The following SPATA17 variants were observed in gnomAD, a reference collection of about 807,000 sequenced individuals.
SPATA17 encodes the protein spermatogenesis associated 17.
In SPATA17, 53 loss-of-function variants were observed where a neutral mutation model predicts 62.2. That is an observed-to-expected ratio of 0.85 (90% confidence interval 0.68 to 1.07). The LOEUF (loss-of-function observed/expected upper bound fraction) is 1.07. Among genes scored for constraint, SPATA17 ranks in the 50% least tolerant of loss-of-function variants. The probability of loss-of-function intolerance (pLI) is 0.00; values close to 1 mark genes in which losing one functional copy is unlikely to be tolerated. For missense variants in SPATA17, 466 were observed against 425.5 expected (o/e 1.10, Z -0.84); for synonymous variants, 146 against 146.8 (o/e 0.99, Z 0.04).
chr1:217,756,535 T>C (rs1411311793), intron 6 of SPATA17, among the ~76,000 whole-genome samples: 1 of 152,166 alleles, frequency 6.6e-6, no homozygotes, highest in African/African-American at 2.4e-5. Flanking sequence ...TTTAAGAATA[T>C]TTTCCTGGAT....
chr1:217,659,465 A>G (rs964573482), intron 3 of SPATA17, among the ~76,000 whole-genome samples: 8 of 152,096 alleles, frequency 5.3e-5, no homozygotes, highest in African/African-American at 1.9e-4. Context: ...ATATATTTTT[A>G]AAGGAATTTT....
At chr1:217,697,934 T>C (rs1671497351) in intron 5 of SPATA17, among the ~76,000 whole-genome samples, 2 of 152,208 alleles carry the variant, frequency 1.3e-5, no homozygotes, top group African/African-American at 4.8e-5. Flanking sequence ...ATTAATACCT[T>C]GCTAAGTTTT....
chr1:217,721,056 G>A (rs1364486851), intron 5 of SPATA17, among the ~76,000 whole-genome samples: 1 of 152,164 alleles, frequency 6.6e-6, no homozygotes, highest in African/African-American at 2.4e-5. Flanking sequence ...CATATTTATA[G>A]ATAAGGCATC....
chr1:217,744,645 T>C (rs1487462972), intron 6 of SPATA17, among the ~76,000 whole-genome samples: 2 of 152,190 alleles, frequency 1.3e-5, no homozygotes, highest in African/African-American at 2.4e-5. Flanking sequence ...TATCAATGTA[T>C]GTAAACTTTA....
chr1:217,768,869 C>A (rs780594063), intron 6 of SPATA17, among the ~76,000 whole-genome samples: 22 of 152,056 alleles, frequency 1.4e-4, no homozygotes, highest in Non-Finnish European at 3.2e-4. Flanking sequence ...TTGATGTGTA[C>A]CTCTTCAAAA....
intron 9 of SPATA17, among the ~76,000 whole-genome samples, chr1:217,861,590 G>C (rs1054280643): frequency 1.3e-5 from 2 of 151,936 alleles, no homozygotes; most frequent in African/African-American, 4.8e-5. Flanking sequence ...GTTGATTTCT[G>C]ATTACCTCCA....
At chr1:217,754,540 G>A (rs1474695031) in intron 6 of SPATA17, among the ~76,000 whole-genome samples, 1 of 151,982 alleles carries the variant, frequency 6.6e-6, no homozygotes, top group East Asian at 1.9e-4. Context: ...TTTGGATTGA[G>A]CCCAGTCATG....
chr1:217,632,565 A>G (rs1260555438), intron 1 of SPATA17, among the ~76,000 whole-genome samples: 2 of 152,168 alleles, frequency 1.3e-5, no homozygotes, highest in African/African-American at 4.8e-5. Context: ...TCACAATTCA[A>G]TTTTACATTC....
chr1:217,774,258 A>T (rs1264407270), intron 6 of SPATA17, 76 bp from the exon 7 acceptor site: 11 of 1,283,144 alleles, frequency 8.6e-6, no homozygotes, highest in Non-Finnish European at 1.2e-5. Flanking sequence ...ATAAGAAAAA[A>T]TTTCATGGTA....
chr1:217,724,162 A>G (rs952747299), intron 5 of SPATA17, among the ~76,000 whole-genome samples: 8 of 152,256 alleles, frequency 5.3e-5, no homozygotes, highest in African/African-American at 1.9e-4. Context: ...CATAACTTGT[A>G]TCTAAATAAG....
At chr1:217,767,603 G>A (rs1246715657) in intron 6 of SPATA17, among the ~76,000 whole-genome samples, 6 of 151,970 alleles carry the variant, frequency 3.9e-5, no homozygotes, top group Admixed American at 2.0e-4. Context: ...TTCTATTGAC[G>A]TATCCTCAAG....
intron 3 of SPATA17, among the ~76,000 whole-genome samples, chr1:217,662,500 A>G (rs1339631736): frequency 6.6e-6 from 1 of 152,194 alleles, no homozygotes; most frequent in Non-Finnish European, 1.5e-5. Context: ...AAATAACATT[A>G]TATACTGATG....
intron 5 of SPATA17, among the ~76,000 whole-genome samples, chr1:217,712,823 T>G (rs1050023132): frequency 6.6e-6 from 1 of 152,100 alleles, no homozygotes; most frequent in East Asian, 1.9e-4. Flanking sequence ...CAGGGGATGT[T>G]TTGGCATCCA....
At chr1:217,648,835 A>T in intron 1 of SPATA17, 47 bp from the exon 2 acceptor site, 1 of 1,219,878 alleles carries the variant, frequency 8.2e-7, no homozygotes, top group Non-Finnish European at 1.2e-6. Flanking sequence ...CTTGCTTTAG[A>T]ATTATATTAG....
intron 6 of SPATA17, 81 bp from the exon 7 acceptor site, chr1:217,774,252 GA>G: frequency 8.2e-7 from 1 of 1,217,528 alleles, no homozygotes; most frequent in Non-Finnish European, 1.2e-6. Flanking sequence ...TTAAACATAA[GA>G]AAAAATTTCA....
At chr1:217,663,318 G>A (rs61827783) in intron 3 of SPATA17, among the ~76,000 whole-genome samples, 21,593 of 151,606 alleles carry the variant, frequency 0.14, 1,612 homozygotes, top group Non-Finnish European at 0.17. Context: ...AGTGGCTCGC[G>A]CTTGTAATCC....
At chr1:217,801,981 A>T in intron 9 of SPATA17, 131 bp downstream of exon 9, 2 of 972,102 alleles carry the variant, frequency 2.1e-6, no homozygotes, top group Non-Finnish European at 2.9e-6. Flanking sequence ...TAGCTGTTTT[A>T]GGTAAAGATG....
At chr1:217,703,031 A>G (rs1233116456) in intron 5 of SPATA17, among the ~76,000 whole-genome samples, 1 of 151,210 alleles carries the variant, frequency 6.6e-6, no homozygotes, top group Non-Finnish European at 1.5e-5. Flanking sequence ...CGCCCACACC[A>G]TATCTGGCTA....
In SPATA17 at chr1:217,631,590, A is replaced by G. The variant is rs113425013; in HGVS notation, c.68+144A>G. 589 of 789,866 alleles carry G rather than the reference A, an allele frequency of 7.5e-4. 1 individual carries two copies. Among genetic ancestry groups the G allele is most frequent in the African/African-American group, 5.9e-3 (343 of 58,228 alleles). The allele number at this position is 789,866 out of a possible 1,614,324, so 48.9% of individuals were successfully genotyped here. A position where few individuals can be genotyped will look rare whatever the true frequency, so the allele number is the denominator to read the frequency against. ...ATTCTTCCCTTAATGGGCTGCAAAC[A>G]TAATTGGGAGTTTCTGTTACCATAC... On this transcript the variant is annotated intron_variant, in intron 1 of 10. Coordinates refer to ENST00000366933, the MANE Select transcript of SPATA17 (RefSeq NM_138796.4).
Sources: gnomAD v4.1 joint callset for allele counts (sites outside exome capture counted in the v4.1 genomes callset) on GRCh38, gnomAD v4.1.1 for gene constraint, MANE v1.5 for transcripts, NCBI Gene and HGNC (gene_info 2026-07-23, HGNC 2026-07-21) for gene names.